CNTNAP4: variants seen among roughly 807,000 people sequenced by gnomAD.
CNTNAP4 encodes the protein contactin associated protein family member 4.
Under a neutral mutation model 148.4 loss-of-function variants are expected in CNTNAP4, and 98 were observed. That is an observed-to-expected ratio of 0.66 (90% confidence interval 0.56 to 0.78). CNTNAP4 has a LOEUF of 0.78. Among genes scored for constraint, CNTNAP4 ranks in the 30% least tolerant of loss-of-function variants. The probability of loss-of-function intolerance (pLI) is 0.00; values close to 1 mark genes in which losing one functional copy is unlikely to be tolerated. For missense variants in CNTNAP4, 1,935 were observed against 1,565.6 expected, an observed-to-expected ratio of 1.24 and a Z score of -3.98; for synonymous variants, 730 against 565.1, an observed-to-expected ratio of 1.29 and a Z score of -4.14.
intron 3 of CNTNAP4, among the ~76,000 whole-genome samples, chr16:76,425,101 G>A (rs1419277728): frequency 6.6e-6 from 1 of 152,040 alleles, no homozygotes; most frequent in Non-Finnish European, 1.5e-5. Context: ...TCAGGGGTCT[G>A]GTTATCAGAG....
rs146648270 is a variant in CNTNAP4 at position 76,317,708 on chromosome 16, A to AGTGTGT, written c.196+1198_196+1203dup. On this transcript the variant is annotated intron_variant, in intron 2 of 23. Coordinates refer to ENST00000611870, the MANE Select transcript of CNTNAP4 (RefSeq NM_033401.5). Reference sequence around the variant, plus strand: ...ACATTGGACATGACAAATAGGTAAGAGTGTGTGTGTGTGTGTGTATGTGTG... The same window carrying AGTGTGT: ...ACATTGGACATGACAAATAGGTAAGAGTGTGTGTGTGTGTGTGTGTGTGTATGTGTG... Among the ~76,000 whole-genome samples the AGTGTGT allele has an allele frequency of 3.6e-4, 55 of 150,696 alleles. No homozygotes were observed. The East Asian group carries it at 5.5e-3, about 15-fold the overall frequency.
In CNTNAP4 at chr16:76,539,714, T is replaced by C. The variant is rs1381938810; in HGVS notation, c.3221-5T>C. Reference sequence around the variant, plus strand: ...TAAAAGAATCACAATTTTTCCCCACTCTAGGAAGTTTGCAGATCAGGTACA... The same window carrying C: ...TAAAAGAATCACAATTTTTCCCCACCCTAGGAAGTTTGCAGATCAGGTACA... On this transcript the variant is annotated splice_polypyrimidine_tract_variant and splice_region_variant and intron_variant, in intron 19 of 23. Coordinates refer to ENST00000611870, the MANE Select transcript of CNTNAP4 (RefSeq NM_033401.5). 5 of 1,589,290 alleles carry C rather than the reference T, an allele frequency of 3.1e-6. No homozygotes were observed. Among genetic ancestry groups the C allele is most frequent in the South Asian group, 1.2e-5 (1 of 85,878 alleles).
intron 2 of CNTNAP4, among the ~76,000 whole-genome samples, chr16:76,352,052 C>T (rs543101261): frequency 1.3e-5 from 2 of 152,260 alleles, no homozygotes; most frequent in East Asian, 1.9e-4. Flanking sequence ...TATTAGCTGA[C>T]ACAGATGCAA....
chr16:76,394,196 T>C (rs1029120260), intron 3 of CNTNAP4, among the ~76,000 whole-genome samples: 6 of 152,232 alleles, frequency 3.9e-5, no homozygotes, highest in African/African-American at 1.4e-4. Context: ...GGTGGTAGAA[T>C]AGAGTTGGTC....
At position 76,553,907 on chromosome 16, in the gene CNTNAP4, G is replaced by A; in HGVS notation, c.3733G>A (p.Gly1245Ser). The A allele has an allele frequency of 6.3e-7, 1 of 1,582,036 alleles. No individual in the cohort carries two copies. The highest frequency in any genetic ancestry group is 8.7e-7 in the Non-Finnish European group (1 of 1,151,696). ...AIKSDSAVIG[G>S]LIAVVIFILL... ...CAAAAGTGACTCTGCAGTAATTGGA[G>A]GTAATAAGAAGCATGAATGAGCTCT... Residue 1245 changes from glycine (G) to serine (S), a missense_variant and splice_region_variant, in exon 23 of 24, where the codon GGT becomes AGT. By Grantham distance (56) the Gly-to-Ser change is moderately conservative. Transcript: ENST00000611870.
intron 15 of CNTNAP4, among the ~76,000 whole-genome samples, chr16:76,503,334 G>A (rs974126324): frequency 4.6e-5 from 7 of 150,654 alleles, no homozygotes; most frequent in Non-Finnish European, 9.0e-5. Flanking sequence ...TGATTTTAAT[G>A]GCAAATCAGG....
At chr16:76,508,913 T>C (rs2082920658) in intron 15 of CNTNAP4, among the ~76,000 whole-genome samples, 3 of 94,610 alleles carry the variant, frequency 3.2e-5, no homozygotes, top group South Asian at 4.4e-4. Flanking sequence ...CCACCACGCC[T>C]GGCTAATTTT....
rs539547877 is a variant in CNTNAP4 at position 76,401,634 on chromosome 16, G to C, written c.391-25818G>C. 1.7e-3 allele frequency among the ~76,000 whole-genome samples: 261 copies of C among 152,272 alleles called. 1 individual carries two copies. The highest frequency in any genetic ancestry group is 6.1e-3 in the African/African-American group (252 of 41,574). On this transcript the variant is annotated intron_variant, in intron 3 of 23. Coordinates refer to ENST00000611870, the MANE Select transcript of CNTNAP4 (RefSeq NM_033401.5). The stretch of plus-strand genomic sequence containing the variant: ...CTTGTCTTGTGGTGGTTTTCAAGGG[G>C]AATGTTTCCAGCTATGGCCCATTCA...
At chr16:76,483,006 T>C (rs1597691659) in intron 12 of CNTNAP4, among the ~76,000 whole-genome samples, 1 of 151,984 alleles carries the variant, frequency 6.6e-6, no homozygotes. Context: ...TTTACAAGTG[T>C]AAGATATGAA....
chr16:76,448,655 G>A, intron 5 of CNTNAP4, 112 bp from the exon 6 acceptor site: 1 of 725,258 alleles, frequency 1.4e-6, no homozygotes, highest in Non-Finnish European at 2.2e-6. Context: ...GAAACGGAAT[G>A]CGTAGAAGGA....
chr16:76,304,846 T>G (rs1006249389), intron 1 of CNTNAP4, among the ~76,000 whole-genome samples: 3 of 152,198 alleles, frequency 2.0e-5, no homozygotes, highest in African/African-American at 7.2e-5. Flanking sequence ...GTCCATATCT[T>G]AATCCCTAAA....
At chr16:76,450,341 G>C (rs2080415237) in intron 7 of CNTNAP4, among the ~76,000 whole-genome samples, 1 of 152,078 alleles carries the variant, frequency 6.6e-6, no homozygotes, top group Non-Finnish European at 1.5e-5. Flanking sequence ...GTAGAGACAA[G>C]GTTTTGCCAT....
At chr16:76,327,541 T>C (rs1482835378) in intron 2 of CNTNAP4, among the ~76,000 whole-genome samples, 2 of 152,198 alleles carry the variant, frequency 1.3e-5, no homozygotes, top group African/African-American at 2.4e-5. Context: ...TTACATCCTC[T>C]AAACCCTGTC....
intron 17 of CNTNAP4, among the ~76,000 whole-genome samples, chr16:76,524,109 C>T (rs1386321279): frequency 6.6e-6 from 1 of 152,020 alleles, no homozygotes; most frequent in Admixed American, 6.6e-5. Context: ...TTGGGATTTC[C>T]AATATATTTG....
chr16:76,474,467 G>GA (rs1255207182), intron 10 of CNTNAP4, among the ~76,000 whole-genome samples: 32 of 151,640 alleles, frequency 2.1e-4, no homozygotes, highest in African/African-American at 3.6e-4. Flanking sequence ...TTATAATAAG[G>GA]AAAAAAAATC....
chr16:76,521,952 C>G, intron 16 of CNTNAP4, 87 bp from the exon 17 acceptor site: 1 of 1,167,186 alleles, frequency 8.6e-7, no homozygotes. Context: ...GCGATTGTTA[C>G]GCTGTAGTGT....
At chr16:76,468,005 C>T (rs2081238012) in intron 10 of CNTNAP4, among the ~76,000 whole-genome samples, 1 of 152,058 alleles carries the variant, frequency 6.6e-6, no homozygotes, top group Non-Finnish European at 1.5e-5. Context: ...TTTTTAACAA[C>T]CCATTACCAT....
intron 15 of CNTNAP4, among the ~76,000 whole-genome samples, chr16:76,513,922 G>A (rs2083128688): frequency 6.6e-6 from 1 of 152,122 alleles, no homozygotes. Flanking sequence ...GCTGAAATCA[G>A]AATCACTCTA....
intron 21 of CNTNAP4, among the ~76,000 whole-genome samples, chr16:76,546,738 A>G (rs2084752555): frequency 6.6e-6 from 1 of 152,220 alleles, no homozygotes; most frequent in Admixed American, 6.5e-5. Flanking sequence ...CCCTGGTGCC[A>G]AAAAGGTTGG....
Sources: allele counts gnomAD v4.1 joint callset (sites outside exome capture counted in the v4.1 genomes callset), GRCh38; gene constraint gnomAD v4.1.1; transcripts MANE v1.5; gene names NCBI Gene and HGNC (gene_info 2026-07-23, HGNC 2026-07-21).